XKR9: variants seen among roughly 807,000 people sequenced by gnomAD.
XKR9 encodes XK-related protein 9.
In XKR9, 32 loss-of-function variants were observed where a neutral mutation model predicts 32.0. The ratio of observed to expected loss-of-function variants is 1.00; its 90% CI spans 0.76 to 1.34. The LOEUF (loss-of-function observed/expected upper bound fraction) is 1.34, where lower values mean the gene tolerates loss of function less well. XKR9 is among the 40% of genes most tolerant of loss of function. The pLI is 0.00. For synonymous variants in XKR9, 168 were observed against 143.4 expected, an observed-to-expected ratio of 1.17 and a Z score of -1.22; for missense variants, 546 against 429.7, an observed-to-expected ratio of 1.27 and a Z score of -2.39.
intron 2 of XKR9, among the ~76,000 whole-genome samples, chr8:70,779,357 A>G (rs1385351217): frequency 6.6e-6 from 1 of 152,114 alleles, no homozygotes; most frequent in Non-Finnish European, 1.5e-5. Context: ...GTTTGCCACT[A>G]TTTTATTGAA....
At chr8:71,065,470 A>C in the XKR9 span, among the ~76,000 whole-genome samples, 1 of 152,200 alleles carries the variant, frequency 6.6e-6, no homozygotes, top group African/African-American at 2.4e-5. Context: ...CAGCTTCCTG[A>C]ACTGTGAGAA....
At chr8:70,804,212 T>TG in the XKR9 span, among the ~76,000 whole-genome samples, 1 of 152,252 alleles carries the variant, frequency 6.6e-6, no homozygotes, top group Admixed American at 6.5e-5. Flanking sequence ...AGTTGTCATC[T>TG]GTCTGGCTGC....
At chr8:71,057,405 T>C in the XKR9 span, among the ~76,000 whole-genome samples, 2 of 152,174 alleles carry the variant, frequency 1.3e-5, no homozygotes, top group African/African-American at 4.8e-5. Context: ...CCAGTTGTCA[T>C]AGAGAAGATG....
intron 2 of XKR9, among the ~76,000 whole-genome samples, chr8:70,748,447 T>C (rs528980939): frequency 1.1e-4 from 17 of 152,358 alleles, no homozygotes; most frequent in African/African-American, 3.8e-4. Flanking sequence ...CTGGGTGCTA[T>C]TGTGACCTGG....
rs1432886434 is a variant in XKR9 at position 70,780,517 on chromosome 8, AC to A, written n.353-8821del. Among the ~76,000 whole-genome samples the A allele has an allele frequency of 3.3e-5, 5 of 152,082 alleles. No individual in the cohort carries two copies. In the East Asian group the frequency reaches 9.6e-4, roughly 29 times the overall value. ...TATAGAAACATAATGTTCAGTCTTC[AC>A]ATATTTTGGAAGTTTTCCAGCTACA... On this transcript the variant is annotated intron_variant and non_coding_transcript_variant, in intron 2 of 3. Transcript: ENST00000520273.
the XKR9 span, among the ~76,000 whole-genome samples, chr8:70,951,869 G>T: frequency 9.9e-6 from 1 of 100,534 alleles, no homozygotes; most frequent in Non-Finnish European, 1.9e-5. Context: ...AGCATCATTG[G>T]GGGGGGGGTG....
the XKR9 span, among the ~76,000 whole-genome samples, chr8:70,936,994 G>A: frequency 6.6e-6 from 1 of 151,954 alleles, no homozygotes; most frequent in Non-Finnish European, 1.5e-5. Flanking sequence ...TACCCTAACT[G>A]CAGCAAATGA....
At chr8:70,954,488 G>T in the XKR9 span, among the ~76,000 whole-genome samples, 124 of 152,348 alleles carry the variant, frequency 8.1e-4, no homozygotes, top group African/African-American at 3.0e-3. Flanking sequence ...GATTAATACA[G>T]TCTTTTCAAG....
chr8:70,823,926 A>C, the XKR9 span, among the ~76,000 whole-genome samples: 5 of 152,210 alleles, frequency 3.3e-5, no homozygotes, highest in African/African-American at 7.2e-5. Context: ...TACCTAAAGT[A>C]GAAATAAAGT....
the XKR9 span, among the ~76,000 whole-genome samples, chr8:70,935,190 T>G: frequency 1.4e-5 from 1 of 69,342 alleles, no homozygotes. Flanking sequence ...TATACATATA[T>G]ATATACATAT....
downstream of XKR9, among the ~76,000 whole-genome samples, chr8:70,739,789 A>G (rs1563462788): frequency 6.6e-6 from 1 of 152,202 alleles, no homozygotes; most frequent in Non-Finnish European, 1.5e-5. Flanking sequence ...AATGTTGAAT[A>G]TTGGCCCCCA....
the XKR9 span, among the ~76,000 whole-genome samples, chr8:70,963,193 C>G: frequency 6.6e-6 from 1 of 152,128 alleles, no homozygotes; most frequent in Non-Finnish European, 1.5e-5. Context: ...CATTCAGCTC[C>G]CACTTATAAG....
chr8:70,905,535 G>A, the XKR9 span, among the ~76,000 whole-genome samples: 14 of 152,122 alleles, frequency 9.2e-5, no homozygotes, highest in African/African-American at 3.4e-4. Context: ...CTTTTTTCAA[G>A]GTTTTTAGCT....
At chr8:70,999,793 G>T in the XKR9 span, among the ~76,000 whole-genome samples, 7 of 152,126 alleles carry the variant, frequency 4.6e-5, no homozygotes, top group Non-Finnish European at 1.0e-4. Flanking sequence ...CTTTTAGGAA[G>T]CACCATAACC....
chr8:70,959,814 T>C, the XKR9 span, among the ~76,000 whole-genome samples: 1 of 152,262 alleles, frequency 6.6e-6, no homozygotes, highest in Non-Finnish European at 1.5e-5. Context: ...TGCGTGTTTA[T>C]AGACCTTGCT....
At chr8:70,825,300 T>A in the XKR9 span, among the ~76,000 whole-genome samples, 1 of 152,118 alleles carries the variant, frequency 6.6e-6, no homozygotes, top group East Asian at 1.9e-4. Flanking sequence ...CTTACTTCAT[T>A]GAGTGACCTG....
the XKR9 span, among the ~76,000 whole-genome samples, chr8:70,965,360 T>C: frequency 6.6e-6 from 1 of 152,346 alleles, no homozygotes; most frequent in East Asian, 1.9e-4. Flanking sequence ...CAGTATTTTA[T>C]TGAGGATTTT....
chr8:70,866,917 G>A, the XKR9 span, among the ~76,000 whole-genome samples: 1 of 152,110 alleles, frequency 6.6e-6, no homozygotes, highest in Non-Finnish European at 1.5e-5. Context: ...TATTGTTTCT[G>A]TTGTATGTTT....
chr8:70,987,466 G>T, the XKR9 span, among the ~76,000 whole-genome samples: 2 of 152,218 alleles, frequency 1.3e-5, no homozygotes, highest in Admixed American at 1.3e-4. Context: ...ATCCAGCAGG[G>T]CAGTCAAATC....
Sources: allele counts gnomAD v4.1 joint callset (sites outside exome capture counted in the v4.1 genomes callset), GRCh38; gene constraint gnomAD v4.1.1; transcripts MANE v1.5; gene names NCBI Gene and HGNC (gene_info 2026-07-23, HGNC 2026-07-21).